Variants in ARHGAP18 observed in about 807,000 individuals in gnomAD.
The protein encoded by ARHGAP18 is rho GTPase-activating protein 18.
Under a neutral mutation model 86.2 loss-of-function variants are expected in ARHGAP18, and 67 were observed. The observed-to-expected ratio is 0.78, with a 90% CI of 0.64 to 0.95. The LOEUF is 0.95. Ranked by LOEUF, ARHGAP18 falls within the 40% of genes least tolerant of loss-of-function variation. ARHGAP18 has a pLI of 0.00. For synonymous variants in ARHGAP18, 283 were observed against 280.4 expected, an observed-to-expected ratio of 1.01 and a Z score of -0.09; for missense variants, 691 against 780.4, an observed-to-expected ratio of 0.89 and a Z score of 1.37.
chr6:129,616,295 G>T lies in ARHGAP18; in HGVS notation c.961C>A (p.Leu321Ile), dbSNP rs779229088. Residue 321 changes from leucine (L) to isoleucine (I), a missense_variant, in exon 7 of 15, where the codon CTT (leucine) becomes ATT (isoleucine). Coordinates refer to ENST00000368149, the MANE Select transcript of ARHGAP18 (RefSeq NM_033515.3). ...AGCGCTGTCAATGGAACGCAAAAAAGACCAGAATCTGCAAGAAAAAAAATG... is the reference window on the plus strand; with the variant it reads ...AGCGCTGTCAATGGAACGCAAAAAATACCAGAATCTGCAAGAAAAAAAATG... ...AVKIKTKDSG[L>I]FCVPLTALLE... The T allele has an allele frequency of 6.2e-7, 1 of 1,607,200 alleles. No individual in the cohort carries two copies. Among genetic ancestry groups the T allele is most frequent in the Non-Finnish European group, 8.5e-7 (1 of 1,176,964 alleles).
Position 129,578,470 on chromosome 6 carries a change from T to C in ARHGAP18, c.*43A>G. 1 of 1,500,134 alleles carries C rather than the reference T, an allele frequency of 6.7e-7. No individual in the cohort carries two copies. Among genetic ancestry groups the C allele is most frequent in the African/African-American group, 1.4e-5 (1 of 72,548 alleles). 92.9% of individuals were successfully genotyped at this position (1,500,134 alleles called of 1,614,324 possible). ...TTTACACTCTTGACTCAGCAAGAAT[T>C]ATGACAGAAGTCCACATGGTTATCT... On this transcript the variant is annotated 3_prime_UTR_variant, in exon 15 of 15. Coordinates refer to ENST00000368149, the MANE Select transcript of ARHGAP18 (RefSeq NM_033515.3).
chr6:129,616,363 A>C (rs1584049611), intron 6 of ARHGAP18, 60 bp from the exon 7 acceptor site: 13 of 1,334,294 alleles, frequency 9.7e-6, no homozygotes, highest in African/African-American at 7.4e-5. Flanking sequence ...TTAATATAAA[A>C]ATGTTAAAGC....
At chr6:129,617,884 C>T (rs1464513040) in intron 6 of ARHGAP18, among the ~76,000 whole-genome samples, 2 of 152,040 alleles carry the variant, frequency 1.3e-5, no homozygotes, top group African/African-American at 2.4e-5. Context: ...TGAATGTTAC[C>T]ACAGCAATTC....
At chr6:129,595,014 A>C (rs1230030624) in intron 12 of ARHGAP18, among the ~76,000 whole-genome samples, 2 of 152,174 alleles carry the variant, frequency 1.3e-5, no homozygotes, top group Non-Finnish European at 2.9e-5. Flanking sequence ...ATTTGGTTTC[A>C]AATTCCAGCT....
In ARHGAP18 at chr6:129,658,771, TAG is replaced by T. The variant is rs144682973; in HGVS notation, c.114-16755_114-16754del. Among the ~76,000 whole-genome samples the T allele has an allele frequency of 8.8e-3, 1,338 of 152,334 alleles. 20 individuals are homozygous for T. Among genetic ancestry groups the T allele is most frequent in the African/African-American group, 0.03 (1,260 of 41,572 alleles). The stretch of plus-strand genomic sequence containing the variant: ...ACACAACTTGAACTGAGTTCACTGG[TAG>T]AGTCTTCACTGAAACAAATTTAAAG... On this transcript the variant is annotated intron_variant, in intron 1 of 14. Coordinates refer to ENST00000368149, the MANE Select transcript of ARHGAP18 (RefSeq NM_033515.3).
chr6:129,670,944 C>T (rs1774131501), intron 1 of ARHGAP18, among the ~76,000 whole-genome samples: 1 of 152,122 alleles, frequency 6.6e-6, no homozygotes, highest in Non-Finnish European at 1.5e-5. Context: ...TTAACACTTC[C>T]CAGTACTAAG....
At chr6:129,636,643 G>A (rs1468694972) in intron 3 of ARHGAP18, among the ~76,000 whole-genome samples, 1 of 152,222 alleles carries the variant, frequency 6.6e-6, no homozygotes, top group Non-Finnish European at 1.5e-5. Flanking sequence ...TTGGGAGGCT[G>A]AGGCAAGCAG....
At chr6:129,590,716 C>A (rs1458808821) in intron 12 of ARHGAP18, among the ~76,000 whole-genome samples, 3 of 152,162 alleles carry the variant, frequency 2.0e-5, no homozygotes, top group Non-Finnish European at 4.4e-5. Context: ...ATTAAACCAA[C>A]AATGGTACAT....
At chr6:129,612,048 G>T (rs901498764) in intron 7 of ARHGAP18, among the ~76,000 whole-genome samples, 10 of 152,262 alleles carry the variant, frequency 6.6e-5, no homozygotes, top group African/African-American at 2.4e-4. Flanking sequence ...GCAGAAAAAA[G>T]ACTGTTTGCA....
intron 12 of ARHGAP18, 112 bp from the exon 13 acceptor site, chr6:129,584,224 T>G: frequency 7.1e-7 from 1 of 1,415,396 alleles, no homozygotes; most frequent in Non-Finnish European, 9.4e-7. Context: ...CTTCACTACA[T>G]AAAAACCTTA....
At chr6:129,655,196 G>C (rs1263668711) in intron 1 of ARHGAP18, among the ~76,000 whole-genome samples, 1 of 151,684 alleles carries the variant, frequency 6.6e-6, no homozygotes, top group Non-Finnish European at 1.5e-5. Context: ...GTGCATGCCT[G>C]TAATCCCAGC....
At chr6:129,706,246 A>G (rs1774800177) in intron 1 of ARHGAP18, among the ~76,000 whole-genome samples, 2 of 152,242 alleles carry the variant, frequency 1.3e-5, no homozygotes, top group Non-Finnish European at 2.9e-5. Context: ...ACTAAATATT[A>G]AGAAGCCTGC....
chr6:129,613,272 A>G (rs953346427), intron 7 of ARHGAP18, among the ~76,000 whole-genome samples: 9 of 151,924 alleles, frequency 5.9e-5, no homozygotes, highest in Admixed American at 2.0e-4. Flanking sequence ...AATTTCTGGA[A>G]TATTTTCCAA....
chr6:129,625,513 CAT>C (rs1193001354), intron 5 of ARHGAP18, among the ~76,000 whole-genome samples: 9 of 26,698 alleles, frequency 3.4e-4, no homozygotes, highest in South Asian at 1.1e-3. Context: ...TTTTATATAT[CAT>C]ATATATTATA....
intron 1 of ARHGAP18, among the ~76,000 whole-genome samples, chr6:129,673,106 T>G (rs1774168154): frequency 6.6e-6 from 1 of 152,210 alleles, no homozygotes. Flanking sequence ...TTTCAAAAGA[T>G]CAGAATTGTT....
chr6:129,620,433 C>T (rs958303013), intron 5 of ARHGAP18, among the ~76,000 whole-genome samples: 2 of 152,210 alleles, frequency 1.3e-5, no homozygotes, highest in African/African-American at 2.4e-5. Flanking sequence ...TTCATAATCA[C>T]AAGCACATGG....
intron 1 of ARHGAP18, among the ~76,000 whole-genome samples, chr6:129,687,434 C>A (rs1774449347): frequency 1.3e-5 from 2 of 152,138 alleles, no homozygotes; most frequent in South Asian, 4.1e-4. Flanking sequence ...ACCACAACAA[C>A]CCTTTTCTTC....
chr6:129,681,457 A>T lies in ARHGAP18; in HGVS notation c.113+28567T>A, dbSNP rs114027136. ...CCTGAGGTAGAAAACCTACATATAA[A>T]TCAATAATTCAATGACTGCTTGTAT... On this transcript the variant is annotated intron_variant, in intron 1 of 14. Coordinates refer to ENST00000368149, the MANE Select transcript of ARHGAP18 (RefSeq NM_033515.3). Among the ~76,000 whole-genome samples the T allele has an allele frequency of 6.4e-3, 968 of 152,300 alleles. 12 individuals carry two copies. The highest frequency in any genetic ancestry group is 0.022 in the African/African-American group (933 of 41,556).
Position 129,626,041 on chromosome 6 carries a change from C to T in ARHGAP18, c.786+3312G>A, listed in dbSNP as rs577202309. Among the ~76,000 whole-genome samples the T allele has an allele frequency of 4.0e-3, 413 of 103,676 alleles. 3 individuals carry two copies. Among genetic ancestry groups the T allele is most frequent in the African/African-American group, 0.015 (385 of 26,522 alleles). 68.0% of individuals were successfully genotyped at this position (103,676 alleles called of 152,430 possible). The stretch of plus-strand genomic sequence containing the variant: ...TCAAATATAGCTATCTATATATATA[C>T]ACACACACATATATATACACATATA... On this transcript the variant is annotated intron_variant, in intron 5 of 14. Coordinates refer to ENST00000368149, the MANE Select transcript of ARHGAP18 (RefSeq NM_033515.3).
Sources: gnomAD v4.1 joint callset for allele counts (sites outside exome capture counted in the v4.1 genomes callset) on GRCh38, gnomAD v4.1.1 for gene constraint, MANE v1.5 for transcripts, NCBI Gene and HGNC (gene_info 2026-07-23, HGNC 2026-07-21) for gene names.